Variants in RABGEF1 observed in about 807,000 individuals in gnomAD.
The protein encoded by RABGEF1 is rab5 GDP/GTP exchange factor.
In RABGEF1, 26 loss-of-function variants were observed where a neutral mutation model predicts 57.3. The ratio of observed to expected loss-of-function variants is 0.45; its 90% confidence interval spans 0.33 to 0.63. The LOEUF is 0.63. RABGEF1 is among the 20% of genes least tolerant of loss of function. RABGEF1 has a pLI of 0.02. For synonymous variants in RABGEF1, 185 were observed against 210.7 expected, an observed-to-expected ratio of 0.88 and a Z score of 1.06; for missense variants, 464 against 607.6, an observed-to-expected ratio of 0.76 and a Z score of 2.48.
chr7:66,662,668 G>A, the RABGEF1 span, among the ~76,000 whole-genome samples: 1 of 152,236 alleles, frequency 6.6e-6, no homozygotes, highest in Admixed American at 6.5e-5. Flanking sequence ...CCTGCTCCTT[G>A]TTCCTCCCTG....
At chr7:66,778,592 C>T (rs1309249038) in intron 3 of RABGEF1, among the ~76,000 whole-genome samples, 1 of 152,136 alleles carries the variant, frequency 6.6e-6, no homozygotes, top group Non-Finnish European at 1.5e-5. Context: ...TTCTCTAAAG[C>T]ATATCTTTTC....
chr7:66,732,539 G>T (rs1797442958), intron 2 of RABGEF1, among the ~76,000 whole-genome samples: 1 of 152,082 alleles, frequency 6.6e-6, no homozygotes, highest in African/African-American at 2.4e-5. Flanking sequence ...CTCACCCTCT[G>T]CAAGCCTCCC....
At chr7:66,722,983 T>C (rs1796211521) in intron 2 of RABGEF1, among the ~76,000 whole-genome samples, 1 of 152,166 alleles carries the variant, frequency 6.6e-6, no homozygotes, top group South Asian at 2.1e-4. Flanking sequence ...TTTTCTTTTT[T>C]TTTGAGATGG....
At chr7:66,787,100 C>G (rs1454341543) in intron 4 of RABGEF1, among the ~76,000 whole-genome samples, 1 of 152,078 alleles carries the variant, frequency 6.6e-6, no homozygotes, top group Non-Finnish European at 1.5e-5. Flanking sequence ...GATCTCTGCT[C>G]ATTGCAGCCT....
At position 66,799,407 on chromosome 7, in the gene RABGEF1, G is replaced by A. The variant is rs778350718; in HGVS notation, c.813G>A (p.Ala271=). The change falls in exon 7 of 9, where the codon GCG becomes GCA. Residue 271 remains alanine, a synonymous_variant. Transcript: ENST00000284957. ...AAGTGTCTGATATGGTGGTGAAGGCGATCACAGGTCAGTGAAACCAAGAGC... is the reference window on the plus strand; with the variant it reads ...AAGTGTCTGATATGGTGGTGAAGGCAATCACAGGTCAGTGAAACCAAGAGC... ...IPEVSDMVVK[A]ITDIIEMDSK... is the part of the protein sequence containing the mutation. The A allele has an allele frequency of 2.6e-5, 41 of 1,602,748 alleles. No homozygotes were observed. The highest frequency in any genetic ancestry group is 3.1e-5 in the Non-Finnish European group (36 of 1,169,924).
At position 66,805,146 on chromosome 7, in the gene RABGEF1, T is replaced by C; in HGVS notation, c.827T>C (p.Ile276Thr). ...TGTCTTTTCTGCTTTGTAGATATCA[T>C]TGAAATGGATTCCAAGCGTGTGCCT... ...DMVVKAITDI[I>T]EMDSKRVPRD... Residue 276 changes from isoleucine (I) to threonine (T), a missense_variant, in exon 8 of 9, where the codon ATT becomes ACT. Ile to Thr is a moderately conservative substitution (Grantham distance 89). Transcript: ENST00000284957. 2 of 1,602,272 alleles carry C rather than the reference T, an allele frequency of 1.2e-6. No homozygotes were observed. Among genetic ancestry groups the C allele is most frequent in the Non-Finnish European group, 1.7e-6 (2 of 1,169,274 alleles).
chr7:66,773,121 G>GT (rs1807616770), intron 2 of RABGEF1, among the ~76,000 whole-genome samples: 1 of 120,176 alleles, frequency 8.3e-6, no homozygotes, highest in South Asian at 2.7e-4. Flanking sequence ...TATTTGTTGA[G>GT]TGACTCCTTT....
chr7:66,660,297 A>C, the RABGEF1 span, among the ~76,000 whole-genome samples: 1 of 151,902 alleles, frequency 6.6e-6, no homozygotes, highest in African/African-American at 2.4e-5. Flanking sequence ...GCAGTCAGCC[A>C]AGATTGTGCC....
intron 4 of RABGEF1, among the ~76,000 whole-genome samples, chr7:66,784,877 A>C (rs1181304218): frequency 1.3e-5 from 2 of 152,096 alleles, no homozygotes; most frequent in African/African-American, 4.8e-5. Context: ...AAGTTAGGAA[A>C]CATGATAGAT....
At chr7:66,752,612 G>A (rs768721141) in intron 1 of RABGEF1, among the ~76,000 whole-genome samples, 6 of 152,146 alleles carry the variant, frequency 3.9e-5, no homozygotes, top group African/African-American at 1.2e-4. Context: ...GGACATTTTC[G>A]TAATTGTGGT....
At chr7:66,683,753 T>TA (rs1364892363) in intron 1 of RABGEF1, among the ~76,000 whole-genome samples, 1 of 134,360 alleles carries the variant, frequency 7.4e-6, no homozygotes, top group Admixed American at 7.5e-5. Flanking sequence ...TTTATTTATT[T>TA]ATTGAGAGAG....
intron 4 of RABGEF1, among the ~76,000 whole-genome samples, chr7:66,793,107 TC>T (rs1357028905): frequency 6.6e-6 from 1 of 152,156 alleles, no homozygotes; most frequent in Non-Finnish European, 1.5e-5. Context: ...GACAGGCCTC[TC>T]GGGTCTCTAA....
intron 4 of RABGEF1, among the ~76,000 whole-genome samples, chr7:66,786,986 G>A (rs1811327398): frequency 6.6e-6 from 1 of 152,052 alleles, no homozygotes; most frequent in Admixed American, 6.6e-5. Flanking sequence ...AATTAATAAA[G>A]CTTAATTTTT....
chr7:66,760,358 C>T lies in RABGEF1; in HGVS notation c.-17-11525C>T, dbSNP rs1185155645. 2.6e-5 allele frequency among the ~76,000 whole-genome samples: 4 copies of T among 151,332 alleles called. No homozygotes were observed. In the East Asian group the frequency reaches 7.7e-4, roughly 29 times the overall value. On this transcript the variant is annotated intron_variant, in intron 1 of 8. Coordinates refer to ENST00000284957, the MANE Select transcript of RABGEF1 (RefSeq NM_014504.3). ...TTAATAGTTTGTTCTTTTTAGTGTTCGGTATTCTCTTGTGTGGTCATGCCC... is the reference window on the plus strand; with the variant it reads ...TTAATAGTTTGTTCTTTTTAGTGTTTGGTATTCTCTTGTGTGGTCATGCCC...
At chr7:66,665,555 C>T in the RABGEF1 span, among the ~76,000 whole-genome samples, 2 of 152,138 alleles carry the variant, frequency 1.3e-5, no homozygotes, top group Admixed American at 6.6e-5. Flanking sequence ...GGTTCCCAGG[C>T]CAACCTCACC....
At chr7:66,758,192 C>T (rs1803263985) in intron 1 of RABGEF1, among the ~76,000 whole-genome samples, 1 of 152,146 alleles carries the variant, frequency 6.6e-6, no homozygotes, top group Admixed American at 6.6e-5. Flanking sequence ...GGAAACTACT[C>T]ACATCTGCAA....
upstream of RABGEF1, chr7:66,739,757 T>A (rs1158138000): frequency 6.6e-6 from 1 of 151,890 alleles, no homozygotes; most frequent in African/African-American, 2.4e-5. Context: ...TTAACCCAGG[T>A]CTATCTCACA....
chr7:66,732,314 G>A (rs1797417538), intron 2 of RABGEF1, among the ~76,000 whole-genome samples: 1 of 152,176 alleles, frequency 6.6e-6, no homozygotes, highest in Non-Finnish European at 1.5e-5. Context: ...GGCCTCTGGG[G>A]CTGCCTCTGG....
intron 1 of RABGEF1, among the ~76,000 whole-genome samples, chr7:66,708,866 C>A (rs1794446313): frequency 1.3e-5 from 2 of 151,976 alleles, no homozygotes; most frequent in African/African-American, 4.8e-5. Flanking sequence ...TGCTCTAATA[C>A]AGCCAAATTG....
Sources: gnomAD v4.1 joint callset for allele counts (sites outside exome capture counted in the v4.1 genomes callset) on GRCh38, gnomAD v4.1.1 for gene constraint, MANE v1.5 for transcripts, NCBI Gene and HGNC (gene_info 2026-07-23, HGNC 2026-07-21) for gene names.